The following MAP2K5 variants were observed in gnomAD, a reference collection of about 807,000 sequenced individuals.
MAP2K5 encodes the protein dual specificity mitogen-activated protein kinase kinase 5.
Under a neutral mutation model 83.1 loss-of-function variants are expected in MAP2K5, and 49 were observed. The observed-to-expected ratio is 0.59, with a 90% CI of 0.47 to 0.75. The LOEUF (loss-of-function observed/expected upper bound fraction) is 0.75. Among genes scored for constraint, MAP2K5 ranks in the 30% least tolerant of loss-of-function variants. MAP2K5 has a pLI of 0.00. For missense variants in MAP2K5, 457 were observed against 557.5 expected, an observed-to-expected ratio of 0.82 and a Z score of 1.82; for synonymous variants, 202 against 191.8, an observed-to-expected ratio of 1.05 and a Z score of -0.44.
chr15:67,729,563 G>T (rs1331431283), intron 17 of MAP2K5, among the ~76,000 whole-genome samples: 1 of 151,898 alleles, frequency 6.6e-6, no homozygotes, highest in Non-Finnish European at 1.5e-5. Context: ...GAGGTCAGGA[G>T]ATTGAGACCA....
At chr15:67,767,420 A>G (rs1048964394) in intron 19 of MAP2K5, among the ~76,000 whole-genome samples, 9 of 152,206 alleles carry the variant, frequency 5.9e-5, no homozygotes, top group Admixed American at 3.9e-4. Flanking sequence ...ATTTTCCTAA[A>G]TATTGCATTT....
At chr15:67,643,330 A>C (rs2086755986) in intron 9 of MAP2K5, among the ~76,000 whole-genome samples, 1 of 152,242 alleles carries the variant, frequency 6.6e-6, no homozygotes, top group African/African-American at 2.4e-5. Flanking sequence ...ACAAAAATGT[A>C]AGTGAATATT....
chr15:67,729,003 C>A (rs540963747), intron 17 of MAP2K5, among the ~76,000 whole-genome samples: 1 of 152,250 alleles, frequency 6.6e-6, no homozygotes, highest in East Asian at 1.9e-4. Flanking sequence ...GAAGAGAAAT[C>A]GTCCAAGTTG....
Position 67,770,323 on chromosome 15 carries a change from A to G in MAP2K5, c.1196+660A>G, listed in dbSNP as rs1195720520. ...GCCAGCCTTCTGCCTTTTTCCTCCT[A>G]GCAGAACGCAGATGTCTTTTATTAC... On this transcript the variant is annotated intron_variant, in intron 20 of 21. Transcript: ENST00000178640. The surrounding 1 kb of genome is among the most constrained non-coding windows in gnomAD (Gnocchi z 5.0). 6.6e-6 allele frequency among the ~76,000 whole-genome samples: 1 copy of G among 152,160 alleles called. No individual in the cohort carries two copies. Among genetic ancestry groups the G allele is most frequent in the East Asian group, 1.9e-4 (1 of 5,190 alleles).
intron 19 of MAP2K5, among the ~76,000 whole-genome samples, chr15:67,753,968 G>A (rs140516002): frequency 1.3e-5 from 2 of 152,336 alleles, no homozygotes; most frequent in East Asian, 3.9e-4. Context: ...GTTCACATTG[G>A]ACTATAAATA....
Position 67,758,998 on chromosome 15 carries a change from C to CCGCA in MAP2K5, c.1134+10399_1134+10402dup, listed in dbSNP as rs2089896562. Reference sequence around the variant, plus strand: ...TCAGTTTTGCTGTCTATATGAATGACCGCACATCTTTCAGTTAATTGAATT... The same window carrying CCGCA: ...TCAGTTTTGCTGTCTATATGAATGACCGCACGCACATCTTTCAGTTAATTGAATT... On this transcript the variant is annotated intron_variant, in intron 19 of 21. Transcript: ENST00000178640. The surrounding 1 kb of genome is among the most constrained non-coding windows in gnomAD (Gnocchi z 4.7). Among the ~76,000 whole-genome samples, 1 of 152,178 alleles carries CCGCA rather than the reference C, an allele frequency of 6.6e-6. No individual in the cohort carries two copies. Among genetic ancestry groups the CCGCA allele is most frequent in the Non-Finnish European group, 1.5e-5 (1 of 68,036 alleles).
chr15:67,784,443 C>T (rs954175582), intron 21 of MAP2K5, among the ~76,000 whole-genome samples: 1 of 152,166 alleles, frequency 6.6e-6, no homozygotes, highest in African/African-American at 2.4e-5. Context: ...AAGCCAATGC[C>T]CCTGTAGGAT....
intron 17 of MAP2K5, among the ~76,000 whole-genome samples, chr15:67,737,575 G>T (rs2089370103): frequency 6.6e-6 from 1 of 152,064 alleles, no homozygotes; most frequent in Admixed American, 6.5e-5. Flanking sequence ...TCAATGAGTT[G>T]CCTAAAAGGA....
chr15:67,711,096 A>G (rs528503899), intron 16 of MAP2K5, among the ~76,000 whole-genome samples: 1 of 152,358 alleles, frequency 6.6e-6, no homozygotes, highest in East Asian at 1.9e-4. Context: ...TAGGCATGTC[A>G]TAGTTCCTTA....
chr15:67,651,401 G>T (rs545341843), intron 11 of MAP2K5, among the ~76,000 whole-genome samples: 1 of 152,272 alleles, frequency 6.6e-6, no homozygotes, highest in East Asian at 1.9e-4. Flanking sequence ...CACTTGTGTA[G>T]TTATTTTGAA....
At chr15:67,626,835 G>A (rs2086336465) in intron 8 of MAP2K5, among the ~76,000 whole-genome samples, 2 of 152,228 alleles carry the variant, frequency 1.3e-5, no homozygotes, top group African/African-American at 2.4e-5. Flanking sequence ...GGGAGTTCAA[G>A]GTCACAATGA....
At chr15:67,645,850 C>T in intron 9 of MAP2K5, among the ~76,000 whole-genome samples, 1 of 152,126 alleles carries the variant, frequency 6.6e-6, no homozygotes, top group Non-Finnish European at 1.5e-5. Context: ...TGCCACTGCA[C>T]GTAGCCAACA....
chr15:67,797,433 T>C (rs2090623730), intron 21 of MAP2K5, among the ~76,000 whole-genome samples: 1 of 152,196 alleles, frequency 6.6e-6, no homozygotes, highest in African/African-American at 2.4e-5. Context: ...TAACTCTTGA[T>C]TGTGAGTTTA....
chr15:67,752,373 A>G (rs139718463), intron 19 of MAP2K5, among the ~76,000 whole-genome samples: 1 of 151,996 alleles, frequency 6.6e-6, no homozygotes, highest in African/African-American at 2.4e-5. Context: ...TAAGGTCACT[A>G]TCAGGAGTAC....
chr15:67,568,313 A>ATCC (rs1190891654), intron 3 of MAP2K5, among the ~76,000 whole-genome samples: 1 of 152,178 alleles, frequency 6.6e-6, no homozygotes, highest in Non-Finnish European at 1.5e-5. Flanking sequence ...TGAGGGAAAA[A>ATCC]TACTTTTTGA....
chr15:67,804,249 C>A (rs2090758064), intron 21 of MAP2K5, among the ~76,000 whole-genome samples: 1 of 152,218 alleles, frequency 6.6e-6, no homozygotes, highest in Non-Finnish European at 1.5e-5. Context: ...CAGCAGCTAC[C>A]AAGTCCACAG....
chr15:67,692,065 C>T (rs1291885424), intron 13 of MAP2K5, among the ~76,000 whole-genome samples: 1 of 152,176 alleles, frequency 6.6e-6, no homozygotes, highest in African/African-American at 2.4e-5. Flanking sequence ...ATTACTATTA[C>T]TTAGATAGGA....
intron 16 of MAP2K5, among the ~76,000 whole-genome samples, chr15:67,723,411 C>T (rs2089014408): frequency 6.6e-6 from 1 of 152,120 alleles, no homozygotes; most frequent in South Asian, 2.1e-4. Flanking sequence ...AAGGAACGTC[C>T]TGTTTTTAGA....
chr15:67,550,179 A>ATTAT, intron 2 of MAP2K5, 97 bp downstream of exon 2: 1 of 866,416 alleles, frequency 1.2e-6, no homozygotes, highest in South Asian at 1.4e-5. Context: ...ACAAAAACAG[A>ATTAT]TTATTTATGA....
Sources: gnomAD v4.1 joint callset for allele counts (sites outside exome capture counted in the v4.1 genomes callset) on GRCh38, gnomAD v4.1.1 for gene constraint, Gnocchi (gnomAD v3.1) non-coding constraint, MANE v1.5 for transcripts, NCBI Gene and HGNC (gene_info 2026-07-23, HGNC 2026-07-21) for gene names.